The following TACC3 variants were observed in gnomAD, a reference collection of about 807,000 sequenced individuals.
TACC3 encodes transforming acidic coiled-coil-containing protein 3.
TACC3 carries 52 observed loss-of-function variants against 86.0 expected under a neutral mutation model. The observed-to-expected ratio is 0.60, with a 90% CI of 0.48 to 0.76. The LOEUF is 0.76. TACC3 is among the 30% of genes least tolerant of loss of function. The pLI, the probability that TACC3 is intolerant of heterozygous loss-of-function variation, is 0.00. For missense variants in TACC3, 1,120 were observed against 1,070.4 expected (o/e 1.05, Z -0.65); for synonymous variants, 512 against 430.0 (o/e 1.19, Z -2.36).
chr4:1,723,632 T>C (rs1259691370), intron 2 of TACC3, 49 bp downstream of exon 2: 26 of 1,608,968 alleles, frequency 1.6e-5, no homozygotes, highest in Non-Finnish European at 2.0e-5. Context: ...CCCTAGGGCC[T>C]GCTTTCTTGG....
chr4:1,730,683 CG>C (rs745713459), intron 4 of TACC3: 21 of 713,588 alleles, frequency 2.9e-5, no homozygotes, highest in Non-Finnish European at 4.9e-5. Flanking sequence ...AGGCAAGGCG[CG>C]TGTTTTCCTG....
At chr4:1,728,939 C>G in intron 4 of TACC3, 152 bp downstream of exon 4, 1 of 785,534 alleles carries the variant, frequency 1.3e-6, no homozygotes, top group South Asian at 1.9e-5. Context: ...AAACAGGGCT[C>G]AGGTGGCTCC....
chr4:1,745,159 C>T lies in TACC3; in HGVS notation c.*146C>T, dbSNP rs560489902. On this transcript the variant is annotated 3_prime_UTR_variant, in exon 16 of 16. Transcript: ENST00000313288. ...GAAAACATGACTCAATAAAAGTTTC[C>T]TTTCAATTTAAACACTGAAGCCGCT... is the stretch of plus-strand genomic sequence containing the variant. 1 of 926,170 alleles carries T rather than the reference C, an allele frequency of 1.1e-6. No individual in the cohort carries two copies. The highest frequency in any genetic ancestry group is 1.7e-5 in the South Asian group (1 of 58,276). 57.4% of individuals were successfully genotyped at this position (926,170 alleles called of 1,614,324 possible). A position where few individuals can be genotyped will look rare whatever the true frequency, so the allele number is the denominator to read the frequency against.
Position 1,735,198 on chromosome 4 carries a change from T to C in TACC3, c.1592-75T>C. 2 of 1,585,262 alleles carry C rather than the reference T, an allele frequency of 1.3e-6. No homozygotes were observed. The highest frequency in any genetic ancestry group is 2.2e-5 in the South Asian group (2 of 90,334). Reference sequence around the variant, plus strand: ...GGAATGATCCTGCCTCACTGAGTGCTGAGGGAGACACCAGCCCGCCGCCCT... The same window carrying C: ...GGAATGATCCTGCCTCACTGAGTGCCGAGGGAGACACCAGCCCGCCGCCCT... On this transcript the variant is annotated intron_variant, in intron 6 of 15. Transcript: ENST00000313288. This position sits in a 1 kb window ranked among gnomAD's most constrained non-coding sequence, Gnocchi z 4.2.
rs370664692 is a variant in TACC3 at position 1,735,243 on chromosome 4, G to A, written c.1592-30G>A. On this transcript the variant is annotated intron_variant, in intron 6 of 15. Coordinates refer to ENST00000313288, the MANE Select transcript of TACC3 (RefSeq NM_006342.3). The surrounding 1 kb of genome is among the most constrained non-coding windows in gnomAD (Gnocchi z 4.2). ...CGCCCTTAGGGCCCTGGTGAGGGGC[G>A]ATGGCGGCGGCATGATTCACTCCTC... 5.0e-5 allele frequency: 80 copies of A among 1,613,632 alleles called. No individual in the cohort carries two copies. The highest frequency in any genetic ancestry group is 3.3e-4 in the African/African-American group (25 of 75,078).
intron 5 of TACC3, 61 bp from the exon 6 acceptor site, chr4:1,731,111 C>T (rs1454641534): frequency 6.2e-7 from 1 of 1,602,556 alleles, no homozygotes; most frequent in African/African-American, 1.3e-5. Flanking sequence ...TGTGGGGAGG[C>T]AAAGCCACAC....
chr4:1,736,063 T>G (rs1718247662), intron 8 of TACC3, among the ~76,000 whole-genome samples: 1 of 152,234 alleles, frequency 6.6e-6, no homozygotes, highest in African/African-American at 2.4e-5. Context: ...GCCTTGCTGG[T>G]TACAGCCACC....
In TACC3 at chr4:1,727,943, G is replaced by GC; in HGVS notation, c.543dup (p.Val182ArgfsTer6). The GC allele has an allele frequency of 6.2e-7, 1 of 1,613,844 alleles. No individual in the cohort carries two copies. Among genetic ancestry groups the GC allele is most frequent in the Non-Finnish European group, 8.5e-7 (1 of 1,180,040 alleles). On this transcript the variant is annotated frameshift_variant, in exon 4 of 16. Coordinates refer to ENST00000313288, the MANE Select transcript of TACC3 (RefSeq NM_006342.3). LOFTEE classifies it high-confidence loss of function. ...AAAAGTGTCTGGCAGCCCTGAGCAA[G>GC]CCGTGGAGGAAAACCTTAGTTCCTA...
rs758655440 is a variant in TACC3, at chr4:1,727,924, G to C, written c.522G>C (p.Val174=). 3 of 1,613,872 alleles carry C rather than the reference G, an allele frequency of 1.9e-6. No homozygotes were observed. Among genetic ancestry groups the C allele is most frequent in the Non-Finnish European group, 2.5e-6 (3 of 1,180,052 alleles). The change falls in exon 4 of 16, where the codon GTG becomes GTC. Residue 174 remains valine, a synonymous_variant. Transcript: ENST00000313288. ...SENQMVSPGK[V]SGSPEQAVEE... is the part of the protein sequence containing the mutation. ...ACCAAATGGTGTCTCCAGGAAAAGT[G>C]TCTGGCAGCCCTGAGCAAGCCGTGG...
At chr4:1,722,168 G>A (rs2108679371) in intron 1 of TACC3, among the ~76,000 whole-genome samples, 1 of 152,302 alleles carries the variant, frequency 6.6e-6, no homozygotes, top group South Asian at 2.1e-4. Context: ...CCAGCCTGGG[G>A]CCGGTCCCTT....
intron 4 of TACC3, among the ~76,000 whole-genome samples, chr4:1,728,989 C>T (rs770461048): frequency 6.6e-6 from 1 of 152,218 alleles, no homozygotes; most frequent in African/African-American, 2.4e-5. Flanking sequence ...TGCCATGCAT[C>T]TCTTTAGTGC....
At position 1,728,159 on chromosome 4, in the gene TACC3, G is replaced by A; in HGVS notation, c.757G>A (p.Gly253Ser). The A allele has an allele frequency of 6.2e-7, 1 of 1,611,592 alleles. No homozygotes were observed. Among genetic ancestry groups the A allele is most frequent in the Non-Finnish European group, 8.5e-7 (1 of 1,179,418 alleles). ...APAAVATSPP[G>S]AIPKEACGGA... Reference sequence around the variant, plus strand: ...CGCAGCAGTGGCCACTTCGCCTCCTGGTGCAATCCCTAAGGAAGCCTGCGG... The same window carrying A: ...CGCAGCAGTGGCCACTTCGCCTCCTAGTGCAATCCCTAAGGAAGCCTGCGG... The change falls in exon 4 of 16, where the codon GGT becomes AGT. Residue 253 changes from glycine to serine, a missense_variant. Physicochemically the swap from Gly to Ser is moderately conservative, Grantham distance 56 (BLOSUM62 0). Coordinates refer to ENST00000313288, the MANE Select transcript of TACC3 (RefSeq NM_006342.3).
chr4:1,728,865 G>C, intron 4 of TACC3, 78 bp downstream of exon 4: 1 of 1,408,458 alleles, frequency 7.1e-7, no homozygotes, highest in Admixed American at 2.3e-5. Flanking sequence ...CCCGAGGCCA[G>C]AAGTGTCATC....
rs755625426 is a variant in TACC3, at chr4:1,735,680, G to T, written c.1645-51G>T. 1 of 1,448,334 alleles carries T rather than the reference G, an allele frequency of 6.9e-7. No homozygotes were observed. The highest frequency in any genetic ancestry group is 9.7e-7 in the Non-Finnish European group (1 of 1,032,022). The allele number at this position is 1,448,334 out of a possible 1,614,324, so 89.7% of individuals were successfully genotyped here. A position where few individuals can be genotyped will look rare whatever the true frequency, so the allele number is the denominator to read the frequency against. ...GACCTCCCTGGCCCTTAGCCCCCGTGTGTGTTAGGGGATGGCAGTCAGACC... is the reference window on the plus strand; with the variant it reads ...GACCTCCCTGGCCCTTAGCCCCCGTTTGTGTTAGGGGATGGCAGTCAGACC... On this transcript the variant is annotated intron_variant, in intron 7 of 15. Coordinates refer to ENST00000313288, the MANE Select transcript of TACC3 (RefSeq NM_006342.3). This position sits in a 1 kb window ranked among gnomAD's most constrained non-coding sequence, Gnocchi z 4.2.
chr4:1,733,798 T>G (rs12509423), intron 6 of TACC3, among the ~76,000 whole-genome samples: 5 of 152,028 alleles, frequency 3.3e-5, no homozygotes, highest in African/African-American at 1.2e-4. Context: ...GCCAACATGG[T>G]GAAACCTCAT....
rs369443454 is a variant in TACC3 at position 1,728,551 on chromosome 4, G to C, written c.1149G>C (p.Glu383Asp). The C allele has an allele frequency of 7.4e-6, 12 of 1,613,984 alleles. No individual in the cohort carries two copies. Among genetic ancestry groups the C allele is most frequent in the Non-Finnish European group, 1.0e-5 (12 of 1,179,970 alleles). ...AAAAGGCCCCGCAGGAGGTGGAGGAGGACGACGGTAGGAGCGGAGCAGGAG... is the reference window on the plus strand; with the variant it reads ...AAAAGGCCCCGCAGGAGGTGGAGGACGACGACGGTAGGAGCGGAGCAGGAG... Reference protein sequence around the residue: ...RQQKAPQEVEEDDGRSGAGED... With the variant: ...RQQKAPQEVEDDDGRSGAGED... Residue 383 changes from glutamate to aspartate, a missense_variant, in exon 4 of 16, where the codon GAG (glutamate) becomes GAC (aspartate). Transcript: ENST00000313288.
At position 1,745,118 on chromosome 4, in the gene TACC3, A is replaced by T. The variant is rs1208839615; in HGVS notation, c.*105A>T. ...TTCTGTCTTGTCTTCAACTTTTTTA[A>T]AAACTAGATTGCTTTGAAAACATGA... On this transcript the variant is annotated 3_prime_UTR_variant, in exon 16 of 16. Coordinates refer to ENST00000313288, the MANE Select transcript of TACC3 (RefSeq NM_006342.3). 2.5e-5 allele frequency: 29 copies of T among 1,167,916 alleles called. No homozygotes were observed. Among genetic ancestry groups the T allele is most frequent in the Admixed American group, 1.0e-4 (4 of 39,876 alleles). 72.3% of individuals were successfully genotyped at this position (1,167,916 alleles called of 1,614,324 possible).
rs1718218660 is a variant in TACC3 at position 1,735,632 on chromosome 4, A to G, written c.1645-99A>G. 6 of 958,158 alleles carry G rather than the reference A, an allele frequency of 6.3e-6. No individual in the cohort carries two copies. Among genetic ancestry groups the G allele is most frequent in the Non-Finnish European group, 1.0e-5 (6 of 597,556 alleles). 59.4% of individuals were successfully genotyped at this position (958,158 alleles called of 1,614,324 possible). A position where few individuals can be genotyped will look rare whatever the true frequency, so the allele number is the denominator to read the frequency against. On this transcript the variant is annotated intron_variant, in intron 7 of 15. Coordinates refer to ENST00000313288, the MANE Select transcript of TACC3 (RefSeq NM_006342.3). This position sits in a 1 kb window ranked among gnomAD's most constrained non-coding sequence, Gnocchi z 4.2. ...GACCGGGGGTGGGAGTGTGCGGGTG[A>G]CCGGGGGTGGGAGTGTGCAGGTGAC...
At chr4:1,726,179 C>T (rs1490638197) in intron 3 of TACC3, among the ~76,000 whole-genome samples, 1 of 152,162 alleles carries the variant, frequency 6.6e-6, no homozygotes, top group African/African-American at 2.4e-5. Context: ...TTGTGAGCAG[C>T]GAGTGCCCCA....
Sources: allele counts gnomAD v4.1 joint callset (sites outside exome capture counted in the v4.1 genomes callset), GRCh38; gene constraint gnomAD v4.1.1; non-coding constraint Gnocchi (gnomAD v3.1); transcripts MANE v1.5; gene names NCBI Gene and HGNC (gene_info 2026-07-23, HGNC 2026-07-21).